BSCL2: variants seen among roughly 807,000 people sequenced by gnomAD.
BSCL2 encodes seipin.
In BSCL2, 41 loss-of-function variants were observed where a neutral mutation model predicts 57.4. The observed-to-expected ratio is 0.71, with a 90% CI of 0.56 to 0.93. The LOEUF is 0.93. BSCL2 is among the 40% of genes least tolerant of loss of function. BSCL2 has a pLI of 0.00. For synonymous variants in BSCL2, 237 were observed against 227.3 expected, an observed-to-expected ratio of 1.04 and a Z score of -0.38; for missense variants, 539 against 586.7, an observed-to-expected ratio of 0.92 and a Z score of 0.84.
chr11:62,707,381 A>T lies in BSCL2; in HGVS notation c.-186T>A. Reference sequence around the variant, plus strand: ...TGCTGTGTCAGAGTAGAGGGAGGAAAGGAGGAGGGGGGCGACTGCCCAGCT... The same window carrying T: ...TGCTGTGTCAGAGTAGAGGGAGGAATGGAGGAGGGGGGCGACTGCCCAGCT... On this transcript the variant is annotated 5_prime_UTR_variant, in exon 1 of 11. Coordinates refer to ENST00000360796, the MANE Select transcript of BSCL2 (RefSeq NM_001122955.4). 1 of 715,658 alleles carries T rather than the reference A, an allele frequency of 1.4e-6. No homozygotes were observed. Among genetic ancestry groups the T allele is most frequent in the South Asian group, 1.5e-5 (1 of 67,816 alleles). The allele number at this position is 715,658 out of a possible 1,614,324, so 44.3% of individuals were successfully genotyped here.
chr11:62,706,717 G>A (rs755555057), intron 1 of BSCL2: 6 of 492,350 alleles, frequency 1.2e-5, no homozygotes, highest in South Asian at 9.3e-5. Flanking sequence ...GGCATCTAAG[G>A]CGGGGGCATT....
intron 2 of BSCL2, among the ~76,000 whole-genome samples, chr11:62,703,578 C>A (rs1945715482): frequency 6.6e-6 from 1 of 150,934 alleles, no homozygotes; most frequent in African/African-American, 2.4e-5. Context: ...GTCTCAATCT[C>A]CTGACCTTGT....
At chr11:62,699,609 G>C (rs1244179833) in intron 3 of BSCL2, among the ~76,000 whole-genome samples, 2 of 151,796 alleles carry the variant, frequency 1.3e-5, no homozygotes, top group African/African-American at 4.8e-5. Context: ...GGAAGGACCA[G>C]GTGGGAGGAC....
In BSCL2 at chr11:62,705,233, C is replaced by A. The variant is rs775912033; in HGVS notation, c.404+68G>T. The A allele has an allele frequency of 9.6e-6, 14 of 1,460,026 alleles. No individual in the cohort carries two copies. The East Asian group carries it at 3.2e-4, about 33-fold the overall frequency. The allele number at this position is 1,460,026 out of a possible 1,614,324, so 90.4% of individuals were successfully genotyped here. A position where few individuals can be genotyped will look rare whatever the true frequency, so the allele number is the denominator to read the frequency against. On this transcript the variant is annotated intron_variant, in intron 2 of 10. Coordinates refer to ENST00000360796, the MANE Select transcript of BSCL2 (RefSeq NM_001122955.4). The stretch of plus-strand genomic sequence containing the variant: ...CTTATCTGTAAATGAGGGGATTGAA[C>A]TGAATGAACTCCAAGGGCCTTACAA...
At chr11:62,692,312 CCT>C in intron 6 of BSCL2, 62 bp downstream of exon 6, 1 of 1,532,364 alleles carries the variant, frequency 6.5e-7, no homozygotes, top group Non-Finnish European at 9.0e-7. Context: ...TGCTTGGGAC[CCT>C]CTTGGTGGAA....
At chr11:62,700,084 TAAAAAAAAAA>T (rs34412546) in intron 3 of BSCL2, among the ~76,000 whole-genome samples, 1 of 80,228 alleles carries the variant, frequency 1.2e-5, no homozygotes, top group South Asian at 4.8e-4. Flanking sequence ...TACTAAAAAT[TAAAAAAAAAA>T]AAAAAAAAAA....
At chr11:62,690,765 G>C in intron 9 of BSCL2, 22 bp downstream of exon 9, 1 of 1,613,778 alleles carries the variant, frequency 6.2e-7, no homozygotes, top group Non-Finnish European at 8.5e-7. Flanking sequence ...AGGAAGGAGA[G>C]AGTGTGGTGG....
At chr11:62,701,275 G>C in intron 3 of BSCL2, among the ~76,000 whole-genome samples, 1 of 152,090 alleles carries the variant, frequency 6.6e-6, no homozygotes, top group East Asian at 1.9e-4. Flanking sequence ...CAGATAAATA[G>C]ATCATACTTC....
At chr11:62,691,497 T>C in intron 6 of BSCL2, 76 bp from the exon 7 acceptor site, 4 of 1,553,694 alleles carry the variant, frequency 2.6e-6, no homozygotes, top group South Asian at 1.1e-5. Flanking sequence ...CCAGAAATAA[T>C]TTCTAGGGCA....
At position 62,707,212 on chromosome 11, in the gene BSCL2, T is replaced by C; in HGVS notation, c.-17A>G. The C allele has an allele frequency of 1.3e-6, 2 of 1,551,378 alleles. No homozygotes were observed. Among genetic ancestry groups the C allele is most frequent in the Non-Finnish European group, 1.7e-6 (2 of 1,146,160 alleles). On this transcript the variant is annotated 5_prime_UTR_variant, in exon 1 of 11. Coordinates refer to ENST00000360796, the MANE Select transcript of BSCL2 (RefSeq NM_001122955.4). Reference sequence around the variant, plus strand: ...TGTAGACATCTTCCTGACGAGCCTCTGTTGACTCTGGATCTTCCACTGAGT... The same window carrying C: ...TGTAGACATCTTCCTGACGAGCCTCCGTTGACTCTGGATCTTCCACTGAGT...
chr11:62,691,027 C>G (rs1416903720), intron 8 of BSCL2, 48 bp downstream of exon 8: 1 of 1,608,978 alleles, frequency 6.2e-7, no homozygotes, highest in Non-Finnish European at 8.5e-7. Context: ...CTGGCCCAGC[C>G]CAGCTCAACC....
intron 3 of BSCL2, among the ~76,000 whole-genome samples, chr11:62,698,554 G>A (rs991483310): frequency 1.3e-5 from 2 of 152,216 alleles, no homozygotes; most frequent in Non-Finnish European, 2.9e-5. Flanking sequence ...GCAATGTATA[G>A]TTTTCCATCA....
chr11:62,703,457 T>C (rs916522931), intron 2 of BSCL2, among the ~76,000 whole-genome samples: 1 of 149,184 alleles, frequency 6.7e-6, no homozygotes, highest in African/African-American at 2.5e-5. Context: ...GTTCACGCCA[T>C]TTCTCCTGCC....
chr11:62,708,883 C>CTAAGGGGCTCACAA, upstream of BSCL2: 1 of 1,107,860 alleles, frequency 9.0e-7, no homozygotes, highest in Non-Finnish European at 1.4e-6. Context: ...TGTTGTGAGC[C>CTAAGGGGCTCACAA]CCTTAGGCTC....
At chr11:62,696,723 A>AC (rs1382571550) in intron 3 of BSCL2, among the ~76,000 whole-genome samples, 2 of 151,928 alleles carry the variant, frequency 1.3e-5, no homozygotes, top group Admixed American at 1.3e-4. Flanking sequence ...ACACCCAGCT[A>AC]ATTTTTTATT....
At position 62,691,276 on chromosome 11, in the gene BSCL2, C is replaced by G; in HGVS notation, c.1005+4G>C. ...GACAAAAGGGGGTCCTTGCCCCTTT[C>G]GACCTGCAAAGAGAAGCGGTGTCGG... On this transcript the variant is annotated splice_donor_region_variant and intron_variant, in intron 7 of 10. Coordinates refer to ENST00000360796, the MANE Select transcript of BSCL2 (RefSeq NM_001122955.4). 1 of 1,614,136 alleles carries G rather than the reference C, an allele frequency of 6.2e-7. No homozygotes were observed. The highest frequency in any genetic ancestry group is 1.1e-5 in the South Asian group (1 of 91,082).
chr11:62,691,389 G>A lies in BSCL2; in HGVS notation c.896C>T (p.Ala299Val). Residue 299 changes from alanine (A) to valine (V), a missense_variant, in exon 7 of 11, where the codon GCC becomes GTC. Ala to Val is a moderately conservative substitution (Grantham distance 64). Around this residue, in one of 3 missense-constraint regions of BSCL2, gnomAD observed 248 missense variants for 239.9 expected, o/e 1.03. Transcript: ENST00000360796. Reference protein sequence around the residue: ...YLLYNFPMTCAFIGVASNFTF... With the variant: ...YLLYNFPMTCVFIGVASNFTF... The stretch of plus-strand genomic sequence containing the variant: ...GAAGTTGCTGGCAACACCTATGAAG[G>A]CGCAGGTCATCGGGAAGTTGTATAG... 3 of 1,614,206 alleles carry A rather than the reference G, an allele frequency of 1.9e-6. No homozygotes were observed. Among genetic ancestry groups the A allele is most frequent in the East Asian group, 2.2e-5 (1 of 44,886 alleles).
intron 3 of BSCL2, among the ~76,000 whole-genome samples, chr11:62,701,780 T>C (rs968380020): frequency 1.4e-5 from 2 of 143,980 alleles, no homozygotes; most frequent in Non-Finnish European, 3.0e-5. Context: ...TGCAGTGAGC[T>C]GAGATCGCGC....
intron 3 of BSCL2, among the ~76,000 whole-genome samples, chr11:62,699,934 A>G (rs1337856443): frequency 6.6e-6 from 1 of 150,904 alleles, no homozygotes; most frequent in East Asian, 2.0e-4. Flanking sequence ...CTGCCTCCTC[A>G]GCCTCCCAAA....
Sources: allele counts gnomAD v4.1 joint callset (sites outside exome capture counted in the v4.1 genomes callset), GRCh38; gene constraint gnomAD v4.1.1; regional missense constraint gnomAD v4.1.1; transcripts MANE v1.5; gene names NCBI Gene and HGNC (gene_info 2026-07-23, HGNC 2026-07-21).